The following LYST variants were observed in gnomAD, a reference collection of about 807,000 sequenced individuals.
LYST encodes lysosomal-trafficking regulator.
In LYST, 192 loss-of-function variants were observed where a neutral mutation model predicts 413.6. The ratio of observed to expected loss-of-function variants is 0.46; its 90% CI spans 0.41 to 0.52. The LOEUF (loss-of-function observed/expected upper bound fraction) is 0.52, where lower values mean the gene tolerates loss of function less well. Among genes scored for constraint, LYST ranks in the 20% least tolerant of loss-of-function variants. The pLI, the probability that LYST is intolerant of heterozygous loss-of-function variation, is 0.00. For synonymous variants in LYST, 1,525 were observed against 1,567.3 expected, an observed-to-expected ratio of 0.97 and a Z score of 0.64; for missense variants, 3,815 against 4,499.9, an observed-to-expected ratio of 0.85 and a Z score of 4.35.
At chr1:235,838,467 T>C (rs1272613836) in intron 1 of LYST, among the ~76,000 whole-genome samples, 1 of 152,234 alleles carries the variant, frequency 6.6e-6, no homozygotes, top group Non-Finnish European at 1.5e-5. Context: ...TGGAATGAAT[T>C]CTTAGAAAGC....
rs71576486 is a variant in LYST, at chr1:235,754,229, C to CTT, written c.7230-957_7230-956dup. The stretch of plus-strand genomic sequence containing the variant: ...GAGCTATCTTTTTTTCTTTTCTTTT[C>CTT]TTTTTTTTTTTTTTTTTTTTGAGAT... On this transcript the variant is annotated intron_variant, in intron 25 of 52. Transcript: ENST00000389793. Among the ~76,000 whole-genome samples the CTT allele has an allele frequency of 3.0e-3, 262 of 86,498 alleles. 2 individuals are homozygous for CTT. The highest frequency in any genetic ancestry group is 6.2e-3 in the South Asian group (17 of 2,762). 56.7% of individuals were successfully genotyped at this position (86,498 alleles called of 152,430 possible). A position where few individuals can be genotyped will look rare whatever the true frequency, so the allele number is the denominator to read the frequency against.
intron 1 of LYST, among the ~76,000 whole-genome samples, chr1:235,866,175 T>C (rs6658406): frequency 0.81 from 122,792 of 152,140 alleles, 49,864 homozygotes; most frequent in African/African-American, 0.91. Context: ...CTTATTTAAC[T>C]CATCAGAAGC....
Position 235,792,119 on chromosome 1 carries a change from G to T in LYST, c.4123C>A (p.Leu1375Ile), listed in dbSNP as rs750898732. The change falls in exon 12 of 53, where the codon CTT (leucine) becomes ATT (isoleucine). Residue 1375 changes from leucine to isoleucine, a missense_variant. Transcript: ENST00000389793. ...FLEKSPCTKI[L>I]LLGILKIIES... ...ATAATTTTCAGAATACCCAGAAGAA[G>T]AATTTTCTAGAGAAAAAGAAAAACA... 40 of 1,595,232 alleles carry T rather than the reference G, an allele frequency of 2.5e-5. No homozygotes were observed. The highest frequency in any genetic ancestry group is 2.2e-5 in the Non-Finnish European group (26 of 1,164,098).
intron 1 of LYST, among the ~76,000 whole-genome samples, chr1:235,853,356 C>A (rs1678772720): frequency 6.6e-6 from 1 of 152,040 alleles, no homozygotes; most frequent in African/African-American, 2.4e-5. Context: ...ATATAATAAT[C>A]CTTAACTAGT....
chr1:235,745,727 T>C (rs868250638), intron 29 of LYST, among the ~76,000 whole-genome samples: 4 of 152,156 alleles, frequency 2.6e-5, no homozygotes, highest in South Asian at 2.1e-4. Flanking sequence ...ACTATTGATA[T>C]ATGCAACAAC....
intron 19 of LYST, among the ~76,000 whole-genome samples, chr1:235,773,393 A>C (rs992307495): frequency 6.6e-6 from 1 of 152,164 alleles, no homozygotes; most frequent in Non-Finnish European, 1.5e-5. Context: ...TAAAATGTGG[A>C]AACAATCCAA....
chr1:235,760,742 A>C (rs1638837895), intron 22 of LYST, among the ~76,000 whole-genome samples: 1 of 152,228 alleles, frequency 6.6e-6, no homozygotes, highest in African/African-American at 2.4e-5. Flanking sequence ...ACAGGCATTA[A>C]ATGAACTGCT....
chr1:235,804,717 AAATG>A (rs776459967), intron 6 of LYST, 52 bp from the exon 7 acceptor site: 3 of 1,036,286 alleles, frequency 2.9e-6, no homozygotes, highest in Non-Finnish European at 4.4e-6. Flanking sequence ...TTAAAAAACT[AAATG>A]ATGAAAAAAT....
intron 24 of LYST, among the ~76,000 whole-genome samples, 159 bp from the exon 25 acceptor site, chr1:235,755,806 ATT>A (rs1666986019): frequency 6.6e-6 from 1 of 152,130 alleles, no homozygotes; most frequent in African/African-American, 2.4e-5. Flanking sequence ...GCAGAAATGA[ATT>A]TGTCTTTGGC....
intron 36 of LYST, 91 bp from the exon 37 acceptor site, chr1:235,729,748 C>A (rs1664201095): frequency 1.1e-6 from 1 of 889,174 alleles, no homozygotes; most frequent in Non-Finnish European, 1.9e-6. Context: ...AAGATTTCTG[C>A]AAAGCAGACT....
At chr1:235,675,463 C>T (rs1055672246) in intron 50 of LYST, among the ~76,000 whole-genome samples, 6 of 152,108 alleles carry the variant, frequency 3.9e-5, no homozygotes, top group East Asian at 1.9e-4. Flanking sequence ...CTCTTACGAT[C>T]GGTCGGTCGG....
intron 21 of LYST, among the ~76,000 whole-genome samples, chr1:235,763,558 C>T (rs1027283695): frequency 1.3e-5 from 2 of 152,134 alleles, no homozygotes; most frequent in African/African-American, 4.8e-5. Context: ...TCAAGCAATT[C>T]TCATGCCTCA....
chr1:235,715,137 T>G, intron 42 of LYST, 64 bp downstream of exon 42: 2 of 1,244,850 alleles, frequency 1.6e-6, no homozygotes, highest in Non-Finnish European at 2.4e-6. Flanking sequence ...CCTAAGTTGT[T>G]GTTGTTGTTG....
chr1:235,745,301 T>C (rs1665809495), intron 29 of LYST, among the ~76,000 whole-genome samples: 1 of 152,192 alleles, frequency 6.6e-6, no homozygotes, highest in Non-Finnish European at 1.5e-5. Flanking sequence ...GTGCTCTAAG[T>C]ATTACATTTT....
chr1:235,688,770 G>T (rs1259502413), intron 47 of LYST, among the ~76,000 whole-genome samples: 5 of 152,038 alleles, frequency 3.3e-5, no homozygotes, highest in Admixed American at 6.6e-5. Flanking sequence ...GGATCATGAG[G>T]TCAGGAGATC....
chr1:235,732,232 C>T (rs917724222), intron 34 of LYST, among the ~76,000 whole-genome samples: 4 of 152,218 alleles, frequency 2.6e-5, no homozygotes, highest in Non-Finnish European at 4.4e-5. Flanking sequence ...AACCATATTA[C>T]GGTTTATAAC....
At chr1:235,807,517 T>A (rs1256023565) in intron 5 of LYST, among the ~76,000 whole-genome samples, 1 of 152,162 alleles carries the variant, frequency 6.6e-6, no homozygotes, top group Non-Finnish European at 1.5e-5. Flanking sequence ...TGCCAAAATG[T>A]CAGAAAAATT....
chr1:235,721,205 G>T (rs1663340113), intron 39 of LYST, among the ~76,000 whole-genome samples: 1 of 151,938 alleles, frequency 6.6e-6, no homozygotes, highest in Non-Finnish European at 1.5e-5. Flanking sequence ...AAAAAAATAA[G>T]GAAAAAAGAA....
chr1:235,752,861 A>G (rs1429630472), intron 26 of LYST, among the ~76,000 whole-genome samples, 183 bp downstream of exon 26: 1 of 151,776 alleles, frequency 6.6e-6, no homozygotes, highest in Non-Finnish European at 1.5e-5. Context: ...AGTAAATACA[A>G]TTTCTTGCTT....
Sources: allele counts gnomAD v4.1 joint callset (sites outside exome capture counted in the v4.1 genomes callset), GRCh38; gene constraint gnomAD v4.1.1; transcripts MANE v1.5; gene names NCBI Gene and HGNC (gene_info 2026-07-23, HGNC 2026-07-21).